PROX1: variants seen among roughly 807,000 people sequenced by gnomAD.
PROX1 encodes prospero homeobox protein 1.
PROX1 carries 7 observed loss-of-function variants against 58.8 expected under a neutral mutation model. The ratio of observed to expected loss-of-function variants is 0.12; its 90% confidence interval spans 0.07 to 0.22. The LOEUF (loss-of-function observed/expected upper bound fraction) is 0.22, where lower values mean the gene tolerates loss of function less well. Ranked by LOEUF, PROX1 falls within the 10% of genes least tolerant of loss-of-function variation. The pLI is 1.00. For missense variants in PROX1, 675 were observed against 927.8 expected, an observed-to-expected ratio of 0.73 and a Z score of 3.54; for synonymous variants, 350 against 358.3, an observed-to-expected ratio of 0.98 and a Z score of 0.26.
intron 4 of PROX1, among the ~76,000 whole-genome samples, chr1:214,024,635 C>T (rs1053510006): frequency 6.6e-5 from 10 of 152,168 alleles, no homozygotes; most frequent in Non-Finnish European, 1.3e-4. Context: ...CACATTGCTC[C>T]ATCAATAGCA....
Position 213,997,410 on chromosome 1 carries a change from T to C in PROX1, c.875T>C (p.Val292Ala). ...EILDARAQDSVGRSDNEMCEL... is the reference protein window; with the variant it reads ...EILDARAQDSAGRSDNEMCEL... ...CTGGATGCCAGGGCCCAGGACTCTG[T>C]CGGAAGGTCAGATAATGAGATGTGC... is the stretch of plus-strand genomic sequence containing the variant. Residue 292 changes from valine (V) to alanine (A), a missense_variant, in exon 2 of 5, where the codon GTC (valine) becomes GCC (alanine). Physicochemically the swap from Val to Ala is moderately conservative, Grantham distance 64 (BLOSUM62 0). Transcript: ENST00000366958. The surrounding 1 kb of genome is among the most constrained non-coding windows in gnomAD (Gnocchi z 7.1). The C allele has an allele frequency of 6.2e-7, 1 of 1,613,986 alleles. No homozygotes were observed. The highest frequency in any genetic ancestry group is 1.3e-5 in the African/African-American group (1 of 75,008).
At chr1:214,030,067 T>C (rs1664593866) in intron 4 of PROX1, 2 of 152,566 alleles carry the variant, frequency 1.3e-5, no homozygotes, top group South Asian at 2.1e-4. Flanking sequence ...ACAAAAGGGT[T>C]TGTGACAAGA....
chr1:213,996,386 T>G, intron 1 of PROX1, 83 bp from the exon 2 acceptor site: 1 of 851,182 alleles, frequency 1.2e-6, no homozygotes, highest in Non-Finnish European at 1.8e-6. Flanking sequence ...CTATGCATTT[T>G]GCATTTGATT....
chr1:213,998,354 T>C (rs1663365442), intron 2 of PROX1, 94 bp downstream of exon 2: 4 of 1,361,308 alleles, frequency 2.9e-6, no homozygotes, highest in Admixed American at 2.4e-5. Context: ...TGTAGATTAG[T>C]ATCTTCTTAA....
intron 4 of PROX1, among the ~76,000 whole-genome samples, chr1:214,026,108 T>C (rs1278223826): frequency 1.3e-5 from 2 of 151,486 alleles, no homozygotes; most frequent in Non-Finnish European, 2.9e-5. Flanking sequence ...AATGAGGTAT[T>C]AGGTTTTAGT....
At chr1:214,005,423 G>A (rs1164399583) in intron 3 of PROX1, 151 bp downstream of exon 3, 9 of 655,456 alleles carry the variant, frequency 1.4e-5, no homozygotes, top group African/African-American at 9.1e-5. Flanking sequence ...TTGTCTAAAG[G>A]TGTGTTAAGC....
At chr1:213,986,431 T>C (rs1662827381), upstream of PROX1, 1 of 152,226 alleles carries the variant, frequency 6.6e-6, no homozygotes, top group African/African-American at 2.4e-5. Flanking sequence ...ATCGCTATTC[T>C]TATTCAAAGG....
At chr1:214,031,469 A>C (rs1347649516) in intron 4 of PROX1, among the ~76,000 whole-genome samples, 2 of 152,102 alleles carry the variant, frequency 1.3e-5, no homozygotes, top group Non-Finnish European at 2.9e-5. Flanking sequence ...GTCCAAAGGC[A>C]GGGCCTTCTC....
chr1:214,037,062 T>A lies in PROX1; in HGVS notation c.*1228T>A, dbSNP rs1664851680. The A allele has an allele frequency of 6.6e-6, 1 of 152,250 alleles. No individual in the cohort carries two copies. The highest frequency in any genetic ancestry group is 2.4e-5 in the African/African-American group (1 of 41,476). 9.4% of individuals were successfully genotyped at this position (152,250 alleles called of 1,614,324 possible). On this transcript the variant is annotated 3_prime_UTR_variant, in exon 5 of 5. Transcript: ENST00000366958. ...GAAGAGTGTATAGCATAGGAAAATT[T>A]GGGGTTAACCCAAAAGACACAATTC...
At chr1:214,009,250 A>T (rs1014556298) in intron 3 of PROX1, among the ~76,000 whole-genome samples, 2 of 152,198 alleles carry the variant, frequency 1.3e-5, no homozygotes, top group African/African-American at 4.8e-5. Flanking sequence ...GTCCCGTGGG[A>T]AGCATTAATC....
rs1472679190 is a variant in PROX1 at position 214,035,759 on chromosome 1, C to T, written c.2139C>T (p.Val713=). 1 of 1,613,908 alleles carries T rather than the reference C, an allele frequency of 6.2e-7. No individual in the cohort carries two copies. The highest frequency in any genetic ancestry group is 1.3e-5 in the African/African-American group (1 of 74,912). Residue 713 remains valine (V), a synonymous_variant, in exon 5 of 5, where the codon GTC becomes GTT. Transcript: ENST00000366958. ...DPSWKKAIYK[V]ICKLDSEVPE... is the part of the protein sequence containing the mutation. Reference sequence around the variant, plus strand: ...CCTGGAAGAAGGCCATATACAAGGTCATCTGCAAGCTGGATAGTGAAGTCC... The same window carrying T: ...CCTGGAAGAAGGCCATATACAAGGTTATCTGCAAGCTGGATAGTGAAGTCC...
At chr1:214,010,229 T>A (rs1345904150) in intron 3 of PROX1, among the ~76,000 whole-genome samples, 2 of 152,194 alleles carry the variant, frequency 1.3e-5, no homozygotes, top group Non-Finnish European at 2.9e-5. Flanking sequence ...CAATTATCTG[T>A]AAGGGCCCTT....
chr1:213,999,056 G>A (rs1448495775), intron 2 of PROX1, among the ~76,000 whole-genome samples: 1 of 152,202 alleles, frequency 6.6e-6, no homozygotes, highest in East Asian at 1.9e-4. Context: ...TTTGGAAAGC[G>A]AGAGAGCACA....
In PROX1 at chr1:214,005,254, C is replaced by A. The variant is rs1663664838; in HGVS notation, c.1815C>A (p.Thr605=). The change falls in exon 3 of 5, where the codon ACC becomes ACA. Residue 605 remains threonine (T), a synonymous_variant. Coordinates refer to ENST00000366958, the MANE Select transcript of PROX1 (RefSeq NM_001270616.2). ...ATCCCAGCTCCAATATGCTGAAGAC[C>A]TACTTCTCCGACGTAAAGGTAGGGA... ...TRYPSSNMLK[T]YFSDVKFNRC... is the part of the protein sequence containing the mutation. 2 of 1,612,632 alleles carry A rather than the reference C, an allele frequency of 1.2e-6. No individual in the cohort carries two copies. Among genetic ancestry groups the A allele is most frequent in the African/African-American group, 1.3e-5 (1 of 74,894 alleles).
chr1:213,998,549 T>G (rs1173870588), intron 2 of PROX1, among the ~76,000 whole-genome samples: 1 of 152,184 alleles, frequency 6.6e-6, no homozygotes, highest in Non-Finnish European at 1.5e-5. Context: ...CTGTTCTTCC[T>G]GCATTATCTT....
intron 4 of PROX1, among the ~76,000 whole-genome samples, chr1:214,033,660 A>G (rs1423892488): frequency 6.6e-6 from 1 of 152,168 alleles, no homozygotes; most frequent in African/African-American, 2.4e-5. Flanking sequence ...ACAGCTCCCA[A>G]TCCAAGGAGT....
chr1:214,032,653 C>T (rs954372024), intron 4 of PROX1, among the ~76,000 whole-genome samples: 1 of 152,130 alleles, frequency 6.6e-6, no homozygotes, highest in Non-Finnish European at 1.5e-5. Context: ...TAAGTAACTG[C>T]CACTCTAGAG....
intron 3 of PROX1, among the ~76,000 whole-genome samples, chr1:214,007,666 A>C (rs1420202667): frequency 1.3e-5 from 2 of 152,212 alleles, no homozygotes; most frequent in African/African-American, 2.4e-5. Flanking sequence ...ATACACACAC[A>C]TATGTGCATG....
At chr1:214,035,026 TA>T (rs2102786693) in intron 4 of PROX1, among the ~76,000 whole-genome samples, 1 of 152,330 alleles carries the variant, frequency 6.6e-6, no homozygotes, top group Non-Finnish European at 1.5e-5. Context: ...GTTTCTGATG[TA>T]ATATTTTAGG....
Sources: allele counts gnomAD v4.1 joint callset (sites outside exome capture counted in the v4.1 genomes callset), GRCh38; gene constraint gnomAD v4.1.1; non-coding constraint Gnocchi (gnomAD v3.1); transcripts MANE v1.5; gene names NCBI Gene and HGNC (gene_info 2026-07-23, HGNC 2026-07-21).